Variants in DIP2B observed in about 807,000 individuals in gnomAD.
DIP2B encodes DIP2 acetate--CoA ligase B (putative).
A neutral mutation model predicts 198.0 loss-of-function variants in DIP2B; 76 were observed. The ratio of observed to expected loss-of-function variants is 0.38; its 90% CI spans 0.32 to 0.46. The LOEUF is 0.46. DIP2B is among the 20% of genes least tolerant of loss of function. DIP2B has a pLI of 0.99. For synonymous variants in DIP2B, 701 were observed against 739.1 expected (o/e 0.95, Z 0.84); for missense variants, 1,559 against 1,978.4 (o/e 0.79, Z 4.02).
At chr12:50,674,292 G>C (rs1466052180) in intron 5 of DIP2B, among the ~76,000 whole-genome samples, 182 bp from the exon 6 acceptor site, 1 of 152,082 alleles carries the variant, frequency 6.6e-6, no homozygotes, top group African/African-American at 2.4e-5. Flanking sequence ...ATATACCCTG[G>C]CTTAACTTAC....
chr12:50,513,891 T>A (rs1349430164), intron 1 of DIP2B, among the ~76,000 whole-genome samples: 1 of 133,880 alleles, frequency 7.5e-6, no homozygotes, highest in Non-Finnish European at 1.6e-5. Context: ...AAAAAAAAAG[T>A]GTTCTTGATC....
chr12:50,536,826 C>A (rs887904137), intron 1 of DIP2B, among the ~76,000 whole-genome samples: 1 of 151,698 alleles, frequency 6.6e-6, no homozygotes, highest in South Asian at 2.1e-4. Context: ...GCCTCGGCCT[C>A]CCAAAGTGCT....
rs1407121427 is a variant in DIP2B, at chr12:50,747,217, A to G, written c.*2378A>G. ...CAAGTCTTTGTAGCCAAATGTGACT[A>G]GTGGCTACCATATTAGACAGTGCAG... is the stretch of plus-strand genomic sequence containing the variant. On this transcript the variant is annotated 3_prime_UTR_variant, in exon 38 of 38. Coordinates refer to ENST00000301180, the MANE Select transcript of DIP2B (RefSeq NM_173602.3). 1 of 152,210 alleles carries G rather than the reference A, an allele frequency of 6.6e-6. No individual in the cohort carries two copies. Among genetic ancestry groups the G allele is most frequent in the Non-Finnish European group, 1.5e-5 (1 of 68,040 alleles). 9.4% of individuals were successfully genotyped at this position (152,210 alleles called of 1,614,324 possible). A position where few individuals can be genotyped will look rare whatever the true frequency, so the allele number is the denominator to read the frequency against.
chr12:50,699,253 T>A, intron 19 of DIP2B, 51 bp downstream of exon 19: 1 of 1,608,488 alleles, frequency 6.2e-7, no homozygotes, highest in Non-Finnish European at 8.5e-7. Context: ...TTTCAGGATG[T>A]TACGAGGGCA....
chr12:50,643,405 C>CTGTGTG (rs57483938), intron 3 of DIP2B, among the ~76,000 whole-genome samples: 7,978 of 131,058 alleles, frequency 0.061, 338 homozygotes, highest in Non-Finnish European at 0.081. Flanking sequence ...GGGAGTTTTT[C>CTGTGTG]TGTGTGTGTG....
intron 23 of DIP2B, 78 bp downstream of exon 23, chr12:50,714,674 C>A: frequency 6.5e-7 from 1 of 1,548,760 alleles, no homozygotes; most frequent in South Asian, 1.1e-5. Flanking sequence ...GATTCTTTCT[C>A]TACAATTAGT....
intron 3 of DIP2B, among the ~76,000 whole-genome samples, chr12:50,649,111 A>G (rs1362975870): frequency 6.6e-6 from 1 of 152,210 alleles, no homozygotes; most frequent in Non-Finnish European, 1.5e-5. Context: ...AGTAGACCTA[A>G]TAAGTGGAAA....
chr12:50,615,824 C>A (rs1007021417), intron 1 of DIP2B, among the ~76,000 whole-genome samples: 16 of 152,176 alleles, frequency 1.1e-4, no homozygotes, highest in African/African-American at 3.9e-4. Flanking sequence ...AGTAAAACAG[C>A]AAACTCAGCG....
intron 1 of DIP2B, among the ~76,000 whole-genome samples, chr12:50,529,406 A>G (rs1454321890): frequency 6.6e-6 from 1 of 152,232 alleles, no homozygotes; most frequent in Non-Finnish European, 1.5e-5. Flanking sequence ...TACATGTAGT[A>G]TTCTGGGAAG....
At chr12:50,729,737 T>TA (rs1491204322) in intron 30 of DIP2B, among the ~76,000 whole-genome samples, 13 of 72,564 alleles carry the variant, frequency 1.8e-4, no homozygotes. Flanking sequence ...TTTCTTTTTC[T>TA]TTTTTTTTTT....
chr12:50,737,046 G>C lies in DIP2B; in HGVS notation c.4112G>C (p.Gly1371Ala). 1 of 1,613,836 alleles carries C rather than the reference G, an allele frequency of 6.2e-7. No individual in the cohort carries two copies. Among genetic ancestry groups the C allele is most frequent in the Non-Finnish European group, 8.5e-7 (1 of 1,179,868 alleles). The change falls in exon 35 of 38, where the codon GGA (glycine) becomes GCA (alanine). Residue 1371 changes from glycine (G) to alanine (A), a missense_variant. Coordinates refer to ENST00000301180, the MANE Select transcript of DIP2B (RefSeq NM_173602.3). ...LLSESGKILP[G>A]VKVVIVNPET... ...CCCTTTGATTCTTAGATTTTACCTGGAGTGAAAGTGGTTATTGTTAATCCT... is the reference window on the plus strand; with the variant it reads ...CCCTTTGATTCTTAGATTTTACCTGCAGTGAAAGTGGTTATTGTTAATCCT...
intron 1 of DIP2B, among the ~76,000 whole-genome samples, chr12:50,535,155 C>T (rs67701624): frequency 6.6e-6 from 1 of 151,824 alleles, no homozygotes; most frequent in Non-Finnish European, 1.5e-5. Flanking sequence ...TCACCTGAGC[C>T]CAGGAGGTCA....
intron 1 of DIP2B, among the ~76,000 whole-genome samples, chr12:50,564,880 G>A (rs1364812457): frequency 6.6e-6 from 1 of 152,136 alleles, no homozygotes; most frequent in Non-Finnish European, 1.5e-5. Context: ...TATTTCATAA[G>A]TCAGCATTTC....
At chr12:50,628,125 C>A (rs1937972059) in intron 2 of DIP2B, among the ~76,000 whole-genome samples, 1 of 152,114 alleles carries the variant, frequency 6.6e-6, no homozygotes, top group Admixed American at 6.6e-5. Flanking sequence ...AATTCCAGTA[C>A]TTTGGGAGGC....
intron 3 of DIP2B, among the ~76,000 whole-genome samples, chr12:50,646,711 C>T (rs1938357244): frequency 6.6e-6 from 1 of 152,120 alleles, no homozygotes; most frequent in African/African-American, 2.4e-5. Flanking sequence ...TGTGAGCCAC[C>T]ATGCCCGGCC....
chr12:50,725,585 T>A (rs1357894791), intron 28 of DIP2B, among the ~76,000 whole-genome samples: 1 of 152,172 alleles, frequency 6.6e-6, no homozygotes, highest in Non-Finnish European at 1.5e-5. Flanking sequence ...GTCTATAAAG[T>A]GGGAGTTGTA....
chr12:50,560,956 T>C (rs1256943729), intron 1 of DIP2B, among the ~76,000 whole-genome samples: 5 of 152,194 alleles, frequency 3.3e-5, no homozygotes, highest in Non-Finnish European at 7.3e-5. Context: ...AAATAAACTG[T>C]TTTCACATTT....
At chr12:50,726,446 G>A (rs545714920) in intron 28 of DIP2B, among the ~76,000 whole-genome samples, 24 of 152,270 alleles carry the variant, frequency 1.6e-4, no homozygotes, top group African/African-American at 5.5e-4. Flanking sequence ...CACCTCCTGG[G>A]TTCAAGGGAT....
chr12:50,710,873 A>C (rs1939602828), intron 22 of DIP2B, among the ~76,000 whole-genome samples: 1 of 152,246 alleles, frequency 6.6e-6, no homozygotes, highest in South Asian at 2.1e-4. Flanking sequence ...AGAAGGTAGA[A>C]CGGGGCAGAT....
Sources: allele counts gnomAD v4.1 joint callset (sites outside exome capture counted in the v4.1 genomes callset), GRCh38; gene constraint gnomAD v4.1.1; transcripts MANE v1.5; gene names NCBI Gene and HGNC (gene_info 2026-07-23, HGNC 2026-07-21).